ALPK2: variants seen among roughly 807,000 people sequenced by gnomAD.
ALPK2 encodes alpha kinase 2.
In ALPK2, 127 loss-of-function variants were observed where a neutral mutation model predicts 163.1. That is an observed-to-expected ratio of 0.78 (90% confidence interval 0.67 to 0.90). The LOEUF is 0.90. Ranked by LOEUF, ALPK2 falls within the 40% of genes least tolerant of loss-of-function variation. ALPK2 has a pLI of 0.00. For missense variants in ALPK2, 2,360 were observed against 2,589.6 expected (o/e 0.91, Z 1.92); for synonymous variants, 953 against 959.1 (o/e 0.99, Z 0.12).
chr18:58,571,632 G>T (rs575752862), intron 4 of ALPK2, among the ~76,000 whole-genome samples: 91 of 152,152 alleles, frequency 6.0e-4, no homozygotes, highest in African/African-American at 2.0e-3. Flanking sequence ...AGGAAAAACT[G>T]ACCATTAGAC....
At chr18:58,555,184 A>G (rs2051783687) in intron 4 of ALPK2, among the ~76,000 whole-genome samples, 1 of 152,206 alleles carries the variant, frequency 6.6e-6, no homozygotes, top group African/African-American at 2.4e-5. Context: ...AGAAAACTGC[A>G]AGTTCGAGTT....
Position 58,515,011 on chromosome 18 carries a change from C to A in ALPK2, c.6011G>T (p.Gly2004Val). 3 of 1,612,826 alleles carry A rather than the reference C, an allele frequency of 1.9e-6. No homozygotes were observed. Among genetic ancestry groups the A allele is most frequent in the Non-Finnish European group, 2.5e-6 (3 of 1,179,312 alleles). ...IYAAEAQPLE[G>V]FGEVPEIIPI... ...CACTTACTCAGGTACTTCTCCAAAG[C>A]CTTCCAGAGGCTGTGCTTCAGCAGC... Residue 2004 changes from glycine to valine, a missense_variant, in exon 10 of 13, where the codon GGC (glycine) becomes GTC (valine). By Grantham distance (109) the Gly-to-Val change is moderately radical. Transcript: ENST00000361673.
chr18:58,610,947 A>T (rs1187593902), intron 2 of ALPK2, among the ~76,000 whole-genome samples: 1 of 152,140 alleles, frequency 6.6e-6, no homozygotes, highest in Non-Finnish European at 1.5e-5. Context: ...TACAAAAATT[A>T]GCCGGGTGTA....
chr18:58,532,627 CTATT>C (rs1245711174), intron 5 of ALPK2, among the ~76,000 whole-genome samples: 1 of 152,184 alleles, frequency 6.6e-6, no homozygotes, highest in Non-Finnish European at 1.5e-5. Flanking sequence ...ACTAAGCTCT[CTATT>C]TATTTCATAA....
chr18:58,497,967 C>T, intron 12 of ALPK2, 82 bp downstream of exon 12: 13 of 1,281,596 alleles, frequency 1.0e-5, no homozygotes, highest in Non-Finnish European at 1.5e-5. Flanking sequence ...TCACTTTGCC[C>T]ACCTCAGCCT....
chr18:58,596,099 G>A (rs996482140), intron 3 of ALPK2, among the ~76,000 whole-genome samples: 1 of 152,210 alleles, frequency 6.6e-6, no homozygotes, highest in African/African-American at 2.4e-5. Context: ...TGGCTGTTAA[G>A]AGTTGGTTTT....
chr18:58,555,567 A>C (rs1203776790), intron 4 of ALPK2, among the ~76,000 whole-genome samples: 1 of 152,214 alleles, frequency 6.6e-6, no homozygotes, highest in Admixed American at 6.5e-5. Flanking sequence ...TTGAATTGTT[A>C]TAAAGTCTAC....
At position 58,537,332 on chromosome 18, in the gene ALPK2, G is replaced by C; in HGVS notation, c.2855C>G (p.Pro952Arg). 6.2e-7 allele frequency: 1 copy of C among 1,614,104 alleles called. No individual in the cohort carries two copies. The change falls in exon 5 of 13, where the codon CCT becomes CGT. Residue 952 changes from proline (P) to arginine (R), a missense_variant. Physicochemically the swap from Pro to Arg is moderately radical, Grantham distance 103 (BLOSUM62 -2). Transcript: ENST00000361673. ...ETQLLSSENN[P>R]LVQFKEGGDK... is the part of the protein sequence containing the mutation. ...ACCTCCTTCTTTAAATTGCACTAAA[G>C]GATTGTTCTCAGAAGAAAGGAGCTG...
At chr18:58,623,745 C>A (rs6566988) in intron 1 of ALPK2, among the ~76,000 whole-genome samples, 1 of 152,068 alleles carries the variant, frequency 6.6e-6, no homozygotes. Flanking sequence ...GGATTACAGG[C>A]GGCTCACGCC....
chr18:58,483,260 C>T (rs2051320863), intron 12 of ALPK2, among the ~76,000 whole-genome samples: 1 of 152,224 alleles, frequency 6.6e-6, no homozygotes, highest in South Asian at 2.1e-4. Flanking sequence ...CTCAGCCCCT[C>T]CCCATCAATG....
Position 58,579,820 on chromosome 18 carries a change from G to A in ALPK2, c.956C>T (p.Thr319Ile). The change falls in exon 4 of 13, where the codon ACC (threonine) becomes ATC (isoleucine). Residue 319 changes from threonine (T) to isoleucine (I), a missense_variant. Coordinates refer to ENST00000361673, the MANE Select transcript of ALPK2 (RefSeq NM_052947.4). ...CAGGTCATCATCTGAAAACTCCTCGGTGTAGGTTAGGGTTATCTCTGGGCA... is the reference window on the plus strand; with the variant it reads ...CAGGTCATCATCTGAAAACTCCTCGATGTAGGTTAGGGTTATCTCTGGGCA... ...ELCPEITLTY[T>I]EEFSDDDLEY... 1 of 1,614,050 alleles carries A rather than the reference G, an allele frequency of 6.2e-7. No homozygotes were observed. Among genetic ancestry groups the A allele is most frequent in the African/African-American group, 1.3e-5 (1 of 75,026 alleles).
Position 58,579,593 on chromosome 18 carries a change from C to T in ALPK2, c.1183G>A (p.Val395Ile), listed in dbSNP as rs1453433336. 2 of 1,613,586 alleles carry T rather than the reference C, an allele frequency of 1.2e-6. No individual in the cohort carries two copies. The highest frequency in any genetic ancestry group is 1.7e-5 in the Admixed American group (1 of 59,982). Residue 395 changes from valine to isoleucine, a missense_variant, in exon 4 of 13, where the codon GTT (valine) becomes ATT (isoleucine). By Grantham distance (29) the Val-to-Ile change is conservative. Coordinates refer to ENST00000361673, the MANE Select transcript of ALPK2 (RefSeq NM_052947.4). ...TGACCACAGAAGCCAGCAGTGGCAA[C>T]CATAGGCCCAGCGTCACCCGACACC... ...SRVSGDAGPM[V>I]ATAGFCGHHS...
chr18:58,558,941 G>A (rs1602218041), intron 4 of ALPK2, among the ~76,000 whole-genome samples: 2 of 152,204 alleles, frequency 1.3e-5, no homozygotes, highest in African/African-American at 4.8e-5. Flanking sequence ...GAGAGGAAGT[G>A]ACTGTTAATA....
rs72948993 is a variant in ALPK2 at position 58,489,795 on chromosome 18, C to T, written c.6297-7756G>A. The stretch of plus-strand genomic sequence containing the variant: ...TCTCACACTAAAGAAGTCTCCTGGC[C>T]GGGCATGGTGGCTTATGTCTGTAAT... On this transcript the variant is annotated intron_variant, in intron 12 of 12. Transcript: ENST00000361673. Among the ~76,000 whole-genome samples the T allele has an allele frequency of 2.7e-3, 412 of 152,080 alleles. 2 individuals carry two copies. Among genetic ancestry groups the T allele is most frequent in the Non-Finnish European group, 4.5e-3 (305 of 67,998 alleles).
At chr18:58,590,065 A>T (rs2052006953) in intron 3 of ALPK2, among the ~76,000 whole-genome samples, 1 of 151,778 alleles carries the variant, frequency 6.6e-6, no homozygotes, top group South Asian at 2.1e-4. Flanking sequence ...TAAAAAAAAT[A>T]CAAAAATTAG....
chr18:58,562,815 G>T (rs903190909), intron 4 of ALPK2, among the ~76,000 whole-genome samples: 5 of 152,214 alleles, frequency 3.3e-5, no homozygotes, highest in African/African-American at 1.2e-4. Flanking sequence ...CTTGCAGGTG[G>T]CTGCCTTCTC....
chr18:58,624,962 C>T (rs1459492894), intron 1 of ALPK2, among the ~76,000 whole-genome samples: 3 of 152,158 alleles, frequency 2.0e-5, no homozygotes, highest in African/African-American at 4.8e-5. Flanking sequence ...ATCAAGAAGG[C>T]GGGGGAGGAG....
chr18:58,515,924 A>G (rs1419366245), intron 9 of ALPK2, among the ~76,000 whole-genome samples: 5 of 152,208 alleles, frequency 3.3e-5, no homozygotes, highest in African/African-American at 1.2e-4. Context: ...TAAACAGTGA[A>G]ATATGTGGAC....
At chr18:58,568,797 A>G (rs888460474) in intron 4 of ALPK2, among the ~76,000 whole-genome samples, 1 of 152,220 alleles carries the variant, frequency 6.6e-6, no homozygotes, top group African/African-American at 2.4e-5. Context: ...GAACAGGAGG[A>G]TGTATATAAG....
Sources: allele counts gnomAD v4.1 joint callset (sites outside exome capture counted in the v4.1 genomes callset), GRCh38; gene constraint gnomAD v4.1.1; transcripts MANE v1.5; gene names NCBI Gene and HGNC (gene_info 2026-07-23, HGNC 2026-07-21).